SLC35F3: variants seen among roughly 807,000 people sequenced by gnomAD.
SLC35F3 encodes the protein putative thiamine transporter SLC35F3.
SLC35F3 carries 25 observed loss-of-function variants against 49.9 expected under a neutral mutation model. That is an observed-to-expected ratio of 0.50 (90% CI 0.37 to 0.70). SLC35F3 has a LOEUF of 0.70. Ranked by LOEUF, SLC35F3 falls within the 30% of genes least tolerant of loss-of-function variation. SLC35F3 has a pLI of 0.00. For missense variants in SLC35F3, 525 were observed against 639.8 expected (o/e 0.82, Z 1.94); for synonymous variants, 275 against 265.4 (o/e 1.04, Z -0.35).
intron 2 of SLC35F3, among the ~76,000 whole-genome samples, chr1:234,072,631 T>G (rs1664734222): frequency 6.6e-6 from 1 of 151,072 alleles, no homozygotes; most frequent in South Asian, 2.1e-4. Flanking sequence ...GAGAAAGGGG[T>G]GGGGGGCTGT....
At chr1:233,927,830 A>C (rs1451177565) in intron 2 of SLC35F3, among the ~76,000 whole-genome samples, 5 of 152,312 alleles carry the variant, frequency 3.3e-5, no homozygotes, top group Admixed American at 2.0e-4. Context: ...TGTATTTTAA[A>C]ATAGATTATT....
chr1:234,019,736 G>C (rs1051816618), intron 2 of SLC35F3, among the ~76,000 whole-genome samples: 1 of 152,186 alleles, frequency 6.6e-6, no homozygotes. Context: ...GTTCACATAG[G>C]CTCAACCATC....
intron 2 of SLC35F3, among the ~76,000 whole-genome samples, chr1:234,052,030 G>A (rs1664385520): frequency 1.3e-5 from 2 of 152,202 alleles, no homozygotes; most frequent in Non-Finnish European, 2.9e-5. Context: ...TGTGCTGCTG[G>A]ATTCGGTTTG....
chr1:234,126,040 G>A (rs944250067), intron 2 of SLC35F3, among the ~76,000 whole-genome samples: 2 of 152,198 alleles, frequency 1.3e-5, no homozygotes, highest in African/African-American at 4.8e-5. Context: ...CTGGTGAATG[G>A]GGATTTTAAT....
intron 2 of SLC35F3, among the ~76,000 whole-genome samples, chr1:234,139,951 T>TAATAAAGTAA (rs1665868204): frequency 2.2e-5 from 2 of 90,564 alleles, no homozygotes; most frequent in African/African-American, 8.1e-5. Context: ...CATCTCAAAA[T>TAATAAAGTAA]AATAAAATAA....
chr1:234,285,278 T>G (rs536853386), intron 3 of SLC35F3: 2 of 457,602 alleles, frequency 4.4e-6, no homozygotes, highest in Middle Eastern at 7.1e-4. Flanking sequence ...TCAACATCCT[T>G]ATCCAGAAGA....
chr1:234,085,093 T>TA (rs1355070002), intron 2 of SLC35F3, among the ~76,000 whole-genome samples: 2 of 152,190 alleles, frequency 1.3e-5, no homozygotes, highest in African/African-American at 4.8e-5. Context: ...GGCAAATCCA[T>TA]ACAGAAAGAA....
At chr1:234,060,489 C>T (rs1664524064) in intron 2 of SLC35F3, among the ~76,000 whole-genome samples, 1 of 152,124 alleles carries the variant, frequency 6.6e-6, no homozygotes, top group African/African-American at 2.4e-5. Flanking sequence ...CTCTGTCACC[C>T]AGGTTGAAGT....
At chr1:234,028,015 A>G (rs550311543) in intron 2 of SLC35F3, among the ~76,000 whole-genome samples, 43 of 152,304 alleles carry the variant, frequency 2.8e-4, no homozygotes, top group African/African-American at 1.0e-3. Context: ...AATTAAGTTA[A>G]TAAATTCGGG....
intron 2 of SLC35F3, among the ~76,000 whole-genome samples, chr1:234,202,805 T>G (rs958293930): frequency 6.6e-6 from 1 of 152,218 alleles, no homozygotes; most frequent in Non-Finnish European, 1.5e-5. Context: ...AAAAACCTTA[T>G]GTCAGCTGAA....
intron 2 of SLC35F3, among the ~76,000 whole-genome samples, chr1:234,205,830 C>G (rs1296749438): frequency 6.6e-6 from 1 of 152,304 alleles, no homozygotes; most frequent in African/African-American, 2.4e-5. Context: ...GGGGCCTCCC[C>G]CTGCCTGAGC....
intron 2 of SLC35F3, among the ~76,000 whole-genome samples, chr1:234,120,763 G>A (rs1329185526): frequency 1.3e-5 from 2 of 152,112 alleles, no homozygotes; most frequent in South Asian, 2.1e-4. Flanking sequence ...CCTGCAGGAC[G>A]CCTCACTGCC....
At position 234,147,240 on chromosome 1, in the gene SLC35F3, T is replaced by C. The variant is rs977436204; in HGVS notation, c.284-84177T>C. 3.3e-5 allele frequency among the ~76,000 whole-genome samples: 5 copies of C among 151,208 alleles called. No individual in the cohort carries two copies. In the East Asian group the frequency reaches 9.6e-4, roughly 29 times the overall value. ...TGCCCTTTCTATTTTCTTTTTTTTT[T>C]TTTTTTGTCCTGTTGGAAATCATAG... On this transcript the variant is annotated intron_variant, in intron 2 of 7. Coordinates refer to ENST00000366618, the MANE Select transcript of SLC35F3 (RefSeq NM_173508.4).
chr1:233,927,593 T>C (rs1662180338), intron 2 of SLC35F3, among the ~76,000 whole-genome samples: 1 of 152,140 alleles, frequency 6.6e-6, no homozygotes. Flanking sequence ...TACATAATTT[T>C]CATTTGAAGT....
chr1:233,912,552 G>C lies in SLC35F3; in HGVS notation c.283+6794G>C, dbSNP rs928599687. 3.9e-5 allele frequency among the ~76,000 whole-genome samples: 6 copies of C among 152,182 alleles called. 1 individual carries two copies. In the South Asian group the frequency reaches 1.0e-3, roughly 26 times the overall value. On this transcript the variant is annotated intron_variant, in intron 2 of 7. Coordinates refer to ENST00000366618, the MANE Select transcript of SLC35F3 (RefSeq NM_173508.4). ...AATAGAACTACTTTCTAGGATTGTC[G>C]TGAAGATTAAATGAAATACAGTAGT...
intron 2 of SLC35F3, among the ~76,000 whole-genome samples, chr1:233,978,887 A>G (rs34123783): frequency 0.23 from 34,943 of 151,768 alleles, 4,108 homozygotes; most frequent in East Asian, 0.37. Context: ...AAAAATTAGT[A>G]TTTTTAGACC....
At chr1:234,025,213 C>A (rs1299927430) in intron 2 of SLC35F3, among the ~76,000 whole-genome samples, 2 of 152,230 alleles carry the variant, frequency 1.3e-5, no homozygotes, top group Non-Finnish European at 2.9e-5. Flanking sequence ...TTTATCCAGT[C>A]CACCACTGAT....
At chr1:234,111,314 G>A (rs554346449) in intron 2 of SLC35F3, among the ~76,000 whole-genome samples, 5 of 152,052 alleles carry the variant, frequency 3.3e-5, no homozygotes, top group East Asian at 1.9e-4. Flanking sequence ...TTTATGAGAC[G>A]GAGTTTCGCT....
intron 2 of SLC35F3, among the ~76,000 whole-genome samples, chr1:234,084,923 C>T (rs1292831128): frequency 6.6e-6 from 1 of 152,096 alleles, no homozygotes; most frequent in Admixed American, 6.5e-5. Context: ...CTGCAGTCAG[C>T]CTAAATCCCA....
Sources: allele counts gnomAD v4.1 joint callset (sites outside exome capture counted in the v4.1 genomes callset), GRCh38; gene constraint gnomAD v4.1.1; transcripts MANE v1.5; gene names NCBI Gene and HGNC (gene_info 2026-07-23, HGNC 2026-07-21).